DCUN1D1: variants seen among roughly 807,000 people sequenced by gnomAD.
The protein encoded by DCUN1D1 is defective in cullin neddylation 1 domain containing 1, also known as DCN1-like protein 1.
A neutral mutation model predicts 39.0 loss-of-function variants in DCUN1D1; 3 were observed. The observed-to-expected ratio is 0.08, with a 90% confidence interval of 0.04 to 0.20. The LOEUF (loss-of-function observed/expected upper bound fraction) is 0.20, where lower values mean the gene tolerates loss of function less well. Among genes scored for constraint, DCUN1D1 ranks in the 10% least tolerant of loss-of-function variants. The pLI is 1.00. For synonymous variants in DCUN1D1, 82 were observed against 96.3 expected (o/e 0.85, Z 0.87); for missense variants, 158 against 302.4 (o/e 0.52, Z 3.54).
chr3:182,948,313 T>TA (rs1726521020), intron 4 of DCUN1D1, among the ~76,000 whole-genome samples: 1 of 152,210 alleles, frequency 6.6e-6, no homozygotes, highest in South Asian at 2.1e-4. Flanking sequence ...AAGAATTTCT[T>TA]AAAGTTTGCC....
rs752247787 is a variant in DCUN1D1, at chr3:182,980,469, G to C, written c.3+18C>G. ...GGCCCCCAGCCGGCAGGGCGGGCGG[G>C]CGGCCGCAGTGCCTCACCATGTTGG... On this transcript the variant is annotated intron_variant, in intron 1 of 6. Transcript: ENST00000292782. 6 of 1,177,470 alleles carry C rather than the reference G, an allele frequency of 5.1e-6. No homozygotes were observed. Among genetic ancestry groups the C allele is most frequent in the Non-Finnish European group, 6.4e-6 (6 of 940,310 alleles). 72.9% of individuals were successfully genotyped at this position (1,177,470 alleles called of 1,614,324 possible). A position where few individuals can be genotyped will look rare whatever the true frequency, so the allele number is the denominator to read the frequency against.
chr3:182,956,956 A>G (rs1037901584), intron 4 of DCUN1D1, among the ~76,000 whole-genome samples: 2 of 152,218 alleles, frequency 1.3e-5, no homozygotes, highest in African/African-American at 4.8e-5. Flanking sequence ...TTGGGGGGAT[A>G]GTAGTGGGAA....
At chr3:182,980,425 G>C (rs930736058) in intron 1 of DCUN1D1, 62 bp downstream of exon 1, 1 of 1,022,958 alleles carries the variant, frequency 9.8e-7, no homozygotes, top group Admixed American at 5.7e-5. Flanking sequence ...CGGCCGGGGC[G>C]GGGGTGCGCG....
chr3:182,982,178 C>T (rs1577211360), upstream of DCUN1D1, among the ~76,000 whole-genome samples: 1 of 152,198 alleles, frequency 6.6e-6, no homozygotes, highest in Non-Finnish European at 1.5e-5. Context: ...TGGACACTTC[C>T]TCCTTGAATT....
chr3:182,942,308 T>G lies in DCUN1D1; in HGVS notation c.*2786A>C, dbSNP rs1193704930. 6.6e-6 allele frequency: 1 copy of G among 152,122 alleles called. No homozygotes were observed. Among genetic ancestry groups the G allele is most frequent in the Non-Finnish European group, 1.5e-5 (1 of 68,014 alleles). The allele number at this position is 152,122 out of a possible 1,614,324, so 9.4% of individuals were successfully genotyped here. A position where few individuals can be genotyped will look rare whatever the true frequency, so the allele number is the denominator to read the frequency against. Reference sequence around the variant, plus strand: ...GAATAATTATTCTTCCTAGAAAAGTTTTCAGGTATATTTTAAATCTATAAA... The same window carrying G: ...GAATAATTATTCTTCCTAGAAAAGTGTTCAGGTATATTTTAAATCTATAAA... On this transcript the variant is annotated 3_prime_UTR_variant, in exon 7 of 7. Transcript: ENST00000292782.
intron 1 of DCUN1D1, among the ~76,000 whole-genome samples, chr3:182,979,870 T>C (rs1280293426): frequency 6.6e-6 from 1 of 152,022 alleles, no homozygotes; most frequent in Non-Finnish European, 1.5e-5. Flanking sequence ...GGGGAAACTC[T>C]CCTTCTCCAA....
In DCUN1D1 at chr3:182,980,060, G is replaced by C. The variant is rs920293436; in HGVS notation, c.3+427C>G. The C allele has an allele frequency of 5.4e-5, 38 of 706,756 alleles. No individual in the cohort carries two copies. In the African/African-American group the frequency reaches 7.1e-4, roughly 13 times the overall value. The allele number at this position is 706,756 out of a possible 1,614,324, so 43.8% of individuals were successfully genotyped here. On this transcript the variant is annotated intron_variant, in intron 1 of 6. Transcript: ENST00000292782. The stretch of plus-strand genomic sequence containing the variant: ...AGAGGGAAGCCCCGGCTTCGGGGCG[G>C]GGGGAGGCTACTCACCCGGAACCCC...
chr3:182,958,269 C>CT (rs899373733), intron 4 of DCUN1D1, among the ~76,000 whole-genome samples: 1 of 151,036 alleles, frequency 6.6e-6, no homozygotes, highest in Non-Finnish European at 1.5e-5. Context: ...CTACATTTTT[C>CT]TTTTTTTTAA....
In DCUN1D1 at chr3:182,944,835, T is replaced by C. The variant is rs564771418; in HGVS notation, c.*259A>G. 20 of 376,518 alleles carry C rather than the reference T, an allele frequency of 5.3e-5. No homozygotes were observed. Among genetic ancestry groups the C allele is most frequent in the Non-Finnish European group, 9.2e-5 (19 of 207,458 alleles). The allele number at this position is 376,518 out of a possible 1,614,324, so 23.3% of individuals were successfully genotyped here. A position where few individuals can be genotyped will look rare whatever the true frequency, so the allele number is the denominator to read the frequency against. On this transcript the variant is annotated 3_prime_UTR_variant, in exon 7 of 7. Coordinates refer to ENST00000292782, the MANE Select transcript of DCUN1D1 (RefSeq NM_020640.4). ...CTTATGGGAGAATAAACTAGGATGGTCCACAGATATAAGATGAAATCCACA... is the reference window on the plus strand; with the variant it reads ...CTTATGGGAGAATAAACTAGGATGGCCCACAGATATAAGATGAAATCCACA...
chr3:182,972,834 G>T (rs1021859487), intron 1 of DCUN1D1, among the ~76,000 whole-genome samples: 8 of 152,154 alleles, frequency 5.3e-5, no homozygotes, highest in African/African-American at 1.7e-4. Flanking sequence ...CCTGAGGTTG[G>T]GAGTCCGAGA....
At chr3:182,980,763 A>C (rs1391260281), upstream of DCUN1D1, 1 of 167,308 alleles carries the variant, frequency 6.0e-6, no homozygotes, top group Non-Finnish European at 1.2e-5. Flanking sequence ...CGGGCGACGC[A>C]AGCCCTCCGC....
chr3:182,947,744 A>C (rs1726491348), intron 4 of DCUN1D1, 112 bp from the exon 5 acceptor site: 1 of 642,216 alleles, frequency 1.6e-6, no homozygotes, highest in African/African-American at 1.9e-5. Flanking sequence ...AAAATAAAAA[A>C]CTTGTATCCT....
rs1241659256 is a variant in DCUN1D1, at chr3:182,978,037, T to A, written c.3+2450A>T. 5.7e-4 allele frequency among the ~76,000 whole-genome samples: 30 copies of A among 52,792 alleles called. No homozygotes were observed. The East Asian group carries it at 0.039, about 69-fold the overall frequency. 34.6% of individuals were successfully genotyped at this position (52,792 alleles called of 152,430 possible). On this transcript the variant is annotated intron_variant, in intron 1 of 6. Coordinates refer to ENST00000292782, the MANE Select transcript of DCUN1D1 (RefSeq NM_020640.4). ...CCTGGGCAACAGAGCAAAAACTCCA[T>A]CTCAAAAAAAAAAAAACAACAACAA...
intron 3 of DCUN1D1, 76 bp from the exon 4 acceptor site, chr3:182,961,432 C>T (rs1382320620): frequency 1.1e-5 from 14 of 1,269,244 alleles, no homozygotes; most frequent in Non-Finnish European, 1.5e-5. Flanking sequence ...CCCATGAGGG[C>T]TTACATTTAT....
rs951243180 is a variant in DCUN1D1, at chr3:182,964,635, C to CTTTTTT, written c.221-592_221-587dup. 1.7e-3 allele frequency among the ~76,000 whole-genome samples: 181 copies of CTTTTTT among 107,448 alleles called. 1 individual carries two copies. Among genetic ancestry groups the CTTTTTT allele is most frequent in the African/African-American group, 3.7e-3 (97 of 26,506 alleles). The allele number at this position is 107,448 out of a possible 152,430, so 70.5% of individuals were successfully genotyped here. ...TCAAATATGATTTACTAACACCTTT[C>CTTTTTT]TTTTTTTTTTTTTTTTTTTTTTTGA... On this transcript the variant is annotated intron_variant, in intron 2 of 6. Coordinates refer to ENST00000292782, the MANE Select transcript of DCUN1D1 (RefSeq NM_020640.4).
chr3:182,970,902 G>A lies in DCUN1D1; in HGVS notation c.4-5149C>T, dbSNP rs1727903049. Among the ~76,000 whole-genome samples, 3 of 152,144 alleles carry A rather than the reference G, an allele frequency of 2.0e-5. No homozygotes were observed. In the South Asian group the frequency reaches 6.2e-4, roughly 32 times the overall value. On this transcript the variant is annotated intron_variant, in intron 1 of 6. Transcript: ENST00000292782. ...CTACAGGTCCGAAGTCAAAAGTGCA[G>A]GAAAAATCAATTCAGCCAATGAGCC...
At chr3:182,961,416 C>A in intron 3 of DCUN1D1, 60 bp from the exon 4 acceptor site, 2 of 1,411,290 alleles carry the variant, frequency 1.4e-6, no homozygotes, top group Non-Finnish European at 1.9e-6. Flanking sequence ...TAATAACTTA[C>A]TTATTCCCAT....
In DCUN1D1 at chr3:182,938,159, T is replaced by A. The variant is rs1207705466; in HGVS notation, c.*6935A>T. 1 of 152,212 alleles carries A rather than the reference T, an allele frequency of 6.6e-6. No individual in the cohort carries two copies. The highest frequency in any genetic ancestry group is 1.5e-5 in the Non-Finnish European group (1 of 68,032). The allele number at this position is 152,212 out of a possible 1,614,324, so 9.4% of individuals were successfully genotyped here. A position where few individuals can be genotyped will look rare whatever the true frequency, so the allele number is the denominator to read the frequency against. ...TACTACATTAACTTGAAAAATATAT[T>A]CGTTAGAATTTTTTTATTAAGTACA... On this transcript the variant is annotated 3_prime_UTR_variant, in exon 7 of 7. Coordinates refer to ENST00000292782, the MANE Select transcript of DCUN1D1 (RefSeq NM_020640.4).
At chr3:182,962,282 G>A (rs970490986) in intron 3 of DCUN1D1, among the ~76,000 whole-genome samples, 1 of 152,176 alleles carries the variant, frequency 6.6e-6, no homozygotes, top group Non-Finnish European at 1.5e-5. Flanking sequence ...CTGCCTCTCA[G>A]CTTTAAACCT....
Sources: allele counts gnomAD v4.1 joint callset (sites outside exome capture counted in the v4.1 genomes callset), GRCh38; gene constraint gnomAD v4.1.1; transcripts MANE v1.5; gene names NCBI Gene and HGNC (gene_info 2026-07-23, HGNC 2026-07-21).